The following FUT8 variants were observed in gnomAD, a reference collection of about 807,000 sequenced individuals.
FUT8 encodes fucosyltransferase 8.
FUT8 carries 29 observed loss-of-function variants against 71.3 expected under a neutral mutation model. The ratio of observed to expected loss-of-function variants is 0.41; its 90% CI spans 0.30 to 0.55. The LOEUF (loss-of-function observed/expected upper bound fraction) is 0.55. FUT8 is among the 20% of genes least tolerant of loss of function. The pLI is 0.34. For missense variants in FUT8, 544 were observed against 702.1 expected (o/e 0.77, Z 2.55); for synonymous variants, 254 against 239.3 (o/e 1.06, Z -0.57).
intron 9 of FUT8, among the ~76,000 whole-genome samples, chr14:65,732,810 A>G (rs1231626889): frequency 6.6e-6 from 1 of 152,196 alleles, no homozygotes; most frequent in Non-Finnish European, 1.5e-5. Context: ...TCTAACCCAA[A>G]TCTGAATTAT....
intron 6 of FUT8, among the ~76,000 whole-genome samples, chr14:65,635,052 C>T (rs972460151): frequency 7.2e-5 from 11 of 152,010 alleles, no homozygotes; most frequent in South Asian, 2.1e-4. Flanking sequence ...TTTGCCTCCT[C>T]GGTTAGGTAT....
intron 3 of FUT8, among the ~76,000 whole-genome samples, chr14:65,598,623 C>T (rs1888129641): frequency 6.6e-6 from 1 of 152,080 alleles, no homozygotes; most frequent in African/African-American, 2.4e-5. Flanking sequence ...TGATAGAGAT[C>T]TTTTTCTCAT....
At chr14:65,503,449 A>G (rs2139780174) in intron 2 of FUT8, among the ~76,000 whole-genome samples, 1 of 152,330 alleles carries the variant, frequency 6.6e-6, no homozygotes, top group South Asian at 2.1e-4. Context: ...TGACAGTTTC[A>G]TATACTTAAA....
chr14:65,574,654 T>C lies in FUT8; in HGVS notation c.203+12888T>C, dbSNP rs767217372. On this transcript the variant is annotated intron_variant, in intron 3 of 10. Coordinates refer to ENST00000673929, the MANE Select transcript of FUT8 (RefSeq NM_001371533.1). The surrounding 1 kb of genome is among the most constrained non-coding windows in gnomAD (Gnocchi z 5.2). ...GAAAAGCTTTAAATGGTGCTTCTTG[T>C]CTGTTTTAAAATGTTCTAGAATTGA... 3.3e-5 allele frequency among the ~76,000 whole-genome samples: 5 copies of C among 152,224 alleles called. No homozygotes were observed. Among genetic ancestry groups the C allele is most frequent in the African/African-American group, 4.8e-5 (2 of 41,450 alleles).
intron 1 of FUT8, among the ~76,000 whole-genome samples, chr14:65,436,756 A>AT (rs901392004): frequency 2.0e-5 from 3 of 151,666 alleles, no homozygotes; most frequent in East Asian, 1.9e-4. Flanking sequence ...TTCACATAAA[A>AT]TTTTTTTTTC....
Position 65,742,264 on chromosome 14 carries a change from A to G in FUT8, c.1582A>G (p.Ile528Val). The change falls in exon 11 of 11, where the codon ATC becomes GTC. Residue 528 changes from isoleucine (I) to valine (V), a missense_variant. Coordinates refer to ENST00000673929, the MANE Select transcript of FUT8 (RefSeq NM_001371533.1). ...ADEIPMEPGD[I>V]IGVAGNHWDG... is the part of the protein sequence containing the mutation. ...TGAAATTCCCATGGAACCTGGAGAT[A>G]TCATTGGTGTGGCTGGAAATCATTG... 1 of 1,613,104 alleles carries G rather than the reference A, an allele frequency of 6.2e-7. No homozygotes were observed. The highest frequency in any genetic ancestry group is 8.5e-7 in the Non-Finnish European group (1 of 1,179,352).
chr14:65,383,282 T>C, the FUT8 span, among the ~76,000 whole-genome samples: 1 of 138,698 alleles, frequency 7.2e-6, no homozygotes, highest in South Asian at 2.4e-4. Context: ...TTTTTTTTTT[T>C]TTTTTTTTTT....
chr14:65,500,969 C>G (rs1263740061), intron 2 of FUT8, among the ~76,000 whole-genome samples: 1 of 152,176 alleles, frequency 6.6e-6, no homozygotes, highest in Non-Finnish European at 1.5e-5. Flanking sequence ...CTTCTTGTAT[C>G]CATTTCCCAT....
At chr14:65,447,346 A>G (rs2065758258) in intron 1 of FUT8, among the ~76,000 whole-genome samples, 2 of 151,840 alleles carry the variant, frequency 1.3e-5, no homozygotes, top group African/African-American at 4.8e-5. Context: ...TTGTTACTAA[A>G]CTTGGTGAAT....
the FUT8 span, among the ~76,000 whole-genome samples, chr14:65,400,333 T>C: frequency 6.6e-6 from 1 of 152,186 alleles, no homozygotes; most frequent in Non-Finnish European, 1.5e-5. Flanking sequence ...TCCATTCCAT[T>C]ATTCTTGATA....
At chr14:65,598,657 A>C (rs918470652) in intron 3 of FUT8, among the ~76,000 whole-genome samples, 1 of 152,182 alleles carries the variant, frequency 6.6e-6, no homozygotes, top group Non-Finnish European at 1.5e-5. Flanking sequence ...CTTCATTTTA[A>C]TTACTGAATT....
Position 65,742,380 on chromosome 14 carries a change from G to C in FUT8, c.1698G>C (p.Lys566Asn), listed in dbSNP as rs761174362. The C allele has an allele frequency of 1.9e-6, 3 of 1,612,486 alleles. No individual in the cohort carries two copies. The highest frequency in any genetic ancestry group is 1.1e-5 in the South Asian group (1 of 91,022). ...YKVREKIETV[K>N]YPTYPEAEK Reference sequence around the variant, plus strand: ...TTCGAGAGAAGATAGAAACGGTCAAGTACCCCACATATCCTGAGGCTGAGA... The same window carrying C: ...TTCGAGAGAAGATAGAAACGGTCAACTACCCCACATATCCTGAGGCTGAGA... The change falls in exon 11 of 11, where the codon AAG becomes AAC. Residue 566 changes from lysine (K) to asparagine (N), a missense_variant. Coordinates refer to ENST00000673929, the MANE Select transcript of FUT8 (RefSeq NM_001371533.1).
intron 3 of FUT8, among the ~76,000 whole-genome samples, chr14:65,599,965 G>A (rs1255713091): frequency 6.6e-6 from 1 of 152,148 alleles, no homozygotes; most frequent in Non-Finnish European, 1.5e-5. Context: ...GCTCTTTTGA[G>A]TACATGAAGA....
chr14:65,667,122 C>T (rs1892254091), intron 6 of FUT8, among the ~76,000 whole-genome samples: 1 of 152,000 alleles, frequency 6.6e-6, no homozygotes, highest in Non-Finnish European at 1.5e-5. Context: ...ACAAGGATGC[C>T]CACTCTCACC....
At chr14:65,671,723 C>T (rs542109714) in intron 7 of FUT8, among the ~76,000 whole-genome samples, 1 of 152,196 alleles carries the variant, frequency 6.6e-6, no homozygotes, top group African/African-American at 2.4e-5. Flanking sequence ...TTCTTTTAAG[C>T]TTAGAATATT....
chr14:65,676,499 C>A (rs1347877101), intron 7 of FUT8, among the ~76,000 whole-genome samples: 1 of 152,146 alleles, frequency 6.6e-6, no homozygotes, highest in Non-Finnish European at 1.5e-5. Flanking sequence ...TAAATTATTA[C>A]AAATTGAGTC....
intron 7 of FUT8, among the ~76,000 whole-genome samples, chr14:65,698,107 T>C (rs1244443713): frequency 6.6e-6 from 1 of 152,208 alleles, no homozygotes; most frequent in South Asian, 2.1e-4. Flanking sequence ...TAAATGAATT[T>C]CAATATTTAT....
intron 1 of FUT8, among the ~76,000 whole-genome samples, chr14:65,426,985 A>G (rs1037790279): frequency 3.3e-5 from 5 of 151,814 alleles, no homozygotes; most frequent in African/African-American, 1.2e-4. Flanking sequence ...CAGCCTCCCT[A>G]GTAGCTGGGA....
At chr14:65,400,987 T>C in the FUT8 span, among the ~76,000 whole-genome samples, 3 of 152,326 alleles carry the variant, frequency 2.0e-5, no homozygotes, top group Non-Finnish European at 4.4e-5. Flanking sequence ...GGGTTGCACT[T>C]ATATAACTCA....
Sources: allele counts gnomAD v4.1 joint callset (sites outside exome capture counted in the v4.1 genomes callset), GRCh38; gene constraint gnomAD v4.1.1; non-coding constraint Gnocchi (gnomAD v3.1); transcripts MANE v1.5; gene names NCBI Gene and HGNC (gene_info 2026-07-23, HGNC 2026-07-21).